EPHA3: variants seen among roughly 807,000 people sequenced by gnomAD.
EPHA3 encodes ephrin type-A receptor 3.
A neutral mutation model predicts 107.1 loss-of-function variants in EPHA3; 42 were observed. The ratio of observed to expected loss-of-function variants is 0.39; its 90% CI spans 0.31 to 0.51. EPHA3 has a LOEUF of 0.51. EPHA3 is among the 20% of genes least tolerant of loss of function. The pLI is 0.78. For synonymous variants in EPHA3, 461 were observed against 424.8 expected (o/e 1.09, Z -1.05); for missense variants, 1,183 against 1,211.2 (o/e 0.98, Z 0.35).
At chr3:89,391,343 C>G (rs1708727753) in intron 5 of EPHA3, among the ~76,000 whole-genome samples, 1 of 151,726 alleles carries the variant, frequency 6.6e-6, no homozygotes, top group African/African-American at 2.4e-5. Flanking sequence ...CCACCCCTCC[C>G]TCTTAGTCTT....
chr3:89,225,836 T>C (rs1704488546), intron 3 of EPHA3, among the ~76,000 whole-genome samples: 1 of 152,054 alleles, frequency 6.6e-6, no homozygotes, highest in Non-Finnish European at 1.5e-5. Flanking sequence ...ATTGGCAGCC[T>C]GAGAATAGGA....
chr3:89,170,916 A>C (rs985059391), intron 2 of EPHA3, among the ~76,000 whole-genome samples: 2 of 148,850 alleles, frequency 1.3e-5, no homozygotes, highest in Non-Finnish European at 3.0e-5. Context: ...CAGCATGAAG[A>C]GCATATGCTA....
chr3:89,340,477 G>A (rs1707494257), intron 3 of EPHA3, among the ~76,000 whole-genome samples: 1 of 152,166 alleles, frequency 6.6e-6, no homozygotes, highest in Non-Finnish European at 1.5e-5. Flanking sequence ...ACACTTTGTG[G>A]GACGAAGTTG....
At chr3:89,149,193 T>C (rs1023604090) in intron 2 of EPHA3, among the ~76,000 whole-genome samples, 20 of 152,156 alleles carry the variant, frequency 1.3e-4, no homozygotes, top group Middle Eastern at 3.4e-3. Context: ...ATGTCTGACA[T>C]GGTTGTATGC....
chr3:89,399,787 C>T (rs926064781), intron 7 of EPHA3: 18 of 1,124,980 alleles, frequency 1.6e-5, no homozygotes, highest in Non-Finnish European at 1.8e-5. Context: ...TAACACACTT[C>T]CAGTGTCTGT....
chr3:89,296,180 A>T (rs1175751812), intron 3 of EPHA3, among the ~76,000 whole-genome samples: 1 of 152,194 alleles, frequency 6.6e-6, no homozygotes, highest in Non-Finnish European at 1.5e-5. Context: ...TGATATTTTG[A>T]CATCTTCTCC....
chr3:89,141,729 TTA>T (rs150520665), intron 2 of EPHA3, among the ~76,000 whole-genome samples: 15 of 149,058 alleles, frequency 1.0e-4, no homozygotes, highest in South Asian at 2.1e-4. Flanking sequence ...ATGTGATCTG[TTA>T]TATATATATA....
chr3:89,162,878 G>A (rs571331580), intron 2 of EPHA3, among the ~76,000 whole-genome samples: 6 of 152,306 alleles, frequency 3.9e-5, no homozygotes, highest in African/African-American at 1.4e-4. Flanking sequence ...ATCTGAAAGG[G>A]TTGAAAGCTG....
chr3:89,133,907 G>A (rs1396330562), intron 2 of EPHA3, among the ~76,000 whole-genome samples: 1 of 151,942 alleles, frequency 6.6e-6, no homozygotes, highest in African/African-American at 2.4e-5. Context: ...CTTCTTGGTC[G>A]AGCCACTGAG....
chr3:89,391,402 C>A (rs1172475063), intron 5 of EPHA3, among the ~76,000 whole-genome samples: 3 of 140,880 alleles, frequency 2.1e-5, no homozygotes, highest in Non-Finnish European at 1.5e-5. Context: ...CTTTTCTTTT[C>A]TTTTCTTTTC....
chr3:89,376,171 C>A, intron 5 of EPHA3, among the ~76,000 whole-genome samples: 1 of 151,828 alleles, frequency 6.6e-6, no homozygotes, highest in East Asian at 1.9e-4. Context: ...TAATAAGGAG[C>A]ACTATAAGAC....
chr3:89,163,601 A>G (rs1704996331), intron 2 of EPHA3, among the ~76,000 whole-genome samples: 1 of 152,094 alleles, frequency 6.6e-6, no homozygotes, highest in Non-Finnish European at 1.5e-5. Context: ...GAAATGTGGG[A>G]ATGAAACTTT....
At chr3:89,173,837 A>G (rs893252158) in intron 2 of EPHA3, among the ~76,000 whole-genome samples, 2 of 152,050 alleles carry the variant, frequency 1.3e-5, no homozygotes, top group Non-Finnish European at 2.9e-5. Flanking sequence ...TCACATTTCA[A>G]GAAAAAAGAA....
Position 89,214,570 on chromosome 3 carries a change from A to T in EPHA3, c.814+4050A>T, listed in dbSNP as rs550084906. The stretch of plus-strand genomic sequence containing the variant: ...TTGATTGCCCACCTTCTTCCAAACA[A>T]GGATCCAAAAGGATTGTGCTTTTCT... On this transcript the variant is annotated intron_variant, in intron 3 of 16. Coordinates refer to ENST00000336596, the MANE Select transcript of EPHA3 (RefSeq NM_005233.6). Among the ~76,000 whole-genome samples, 236 of 152,090 alleles carry T rather than the reference A, an allele frequency of 1.6e-3. 3 individuals carry two copies. The highest frequency in any genetic ancestry group is 5.3e-3 in the African/African-American group (221 of 41,556).
At chr3:89,443,435 GA>G (rs1173550844) in intron 13 of EPHA3, among the ~76,000 whole-genome samples, 1 of 151,906 alleles carries the variant, frequency 6.6e-6, no homozygotes, top group Non-Finnish European at 1.5e-5. Flanking sequence ...AGTAGCATAA[GA>G]AAAAAGAGGA....
At chr3:89,452,322 A>C (rs1479225023) in intron 15 of EPHA3, among the ~76,000 whole-genome samples, 2 of 152,104 alleles carry the variant, frequency 1.3e-5, no homozygotes, top group African/African-American at 2.4e-5. Context: ...ATTCCCTTAC[A>C]TGCCAATGTT....
chr3:89,431,043 T>C (rs1361894275), intron 12 of EPHA3, 107 bp from the exon 13 acceptor site: 6 of 1,144,296 alleles, frequency 5.2e-6, no homozygotes, highest in African/African-American at 1.6e-5. Context: ...CTAAAGTGTG[T>C]ATAGTCAGTC....
chr3:89,241,239 C>T (rs548016942), intron 3 of EPHA3, among the ~76,000 whole-genome samples: 9 of 151,966 alleles, frequency 5.9e-5, no homozygotes, highest in Non-Finnish European at 1.0e-4. Flanking sequence ...CTATTTTACT[C>T]GAAACCCAAT....
At position 89,315,519 on chromosome 3, in the gene EPHA3, A is replaced by G. The variant is rs1345485634; in HGVS notation, c.815-25397A>G. On this transcript the variant is annotated intron_variant, in intron 3 of 16. Transcript: ENST00000336596. ...TGATTTGGCTTAAAAATCACATTTA[A>G]TCATTTTTTAGGAGAATCTTCCCTA... Among the ~76,000 whole-genome samples, 8 of 151,946 alleles carry G rather than the reference A, an allele frequency of 5.3e-5. No homozygotes were observed. In the East Asian group the frequency reaches 1.4e-3, roughly 26 times the overall value.
Sources: gnomAD v4.1 joint callset for allele counts (sites outside exome capture counted in the v4.1 genomes callset) on GRCh38, gnomAD v4.1.1 for gene constraint, MANE v1.5 for transcripts, NCBI Gene and HGNC (gene_info 2026-07-23, HGNC 2026-07-21) for gene names.